Variants in LOC122394732 observed in about 807,000 individuals in gnomAD.
At chr9:87,956,332 C>T in the LOC122394732 span, 5 of 398,590 alleles carry the variant, frequency 1.3e-5, no homozygotes, top group Admixed American at 8.8e-5. Flanking sequence ...GAAGGGCCTT[C>T]GTGAACAACC....
the LOC122394732 span, chr9:87,956,883 A>G: frequency 6.4e-6 from 1 of 157,398 alleles, no homozygotes; most frequent in East Asian, 1.8e-4. Flanking sequence ...ATTTGCCTTA[A>G]TCCTGTTCTC....
At chr9:87,956,301 C>T in the LOC122394732 span, 1 of 398,628 alleles carries the variant, frequency 2.5e-6, no homozygotes. Flanking sequence ...GCCTTCAAAG[C>T]AGGAGATTCC....
the LOC122394732 span, chr9:87,956,533 T>C: frequency 2.5e-6 from 1 of 398,436 alleles, no homozygotes; most frequent in African/African-American, 2.1e-5. Flanking sequence ...GACGAGTTCA[T>C]CTGAAACATC....
chr9:87,956,333 G>A, the LOC122394732 span: 18 of 398,482 alleles, frequency 4.5e-5, no homozygotes, highest in African/African-American at 2.3e-4. Flanking sequence ...AAGGGCCTTC[G>A]TGAACAACCT....
the LOC122394732 span, chr9:87,956,567 G>C: frequency 2.5e-6 from 1 of 398,182 alleles, no homozygotes; most frequent in Non-Finnish European, 4.4e-6. Flanking sequence ...ACACACCTGG[G>C]TCTCCTTCTG....
At chr9:87,956,221 C>CTG in the LOC122394732 span, 1 of 398,510 alleles carries the variant, frequency 2.5e-6, no homozygotes, top group Non-Finnish European at 4.4e-6. Flanking sequence ...GGCAGCCTCA[C>CTG]TGTCCTGTCT....
chr9:87,956,635 A>G, the LOC122394732 span: 25 of 393,786 alleles, frequency 6.3e-5, no homozygotes, highest in South Asian at 3.3e-3. Flanking sequence ...GCCAAAAAAG[A>G]AAAAAAAGGA....
chr9:87,956,465 A>G, the LOC122394732 span: 1 of 398,508 alleles, frequency 2.5e-6, no homozygotes, highest in African/African-American at 2.1e-5. Context: ...GCTTCACAAG[A>G]CAACTGGCTA....
chr9:87,956,756 A>G, the LOC122394732 span: 3 of 306,056 alleles, frequency 9.8e-6, no homozygotes, highest in Non-Finnish European at 1.8e-5. Flanking sequence ...TTTCTTTACA[A>G]CTTGAGGTGG....
At chr9:87,956,415 T>C in the LOC122394732 span, 8 of 398,412 alleles carry the variant, frequency 2.0e-5, no homozygotes, top group Middle Eastern at 6.2e-4. Flanking sequence ...ATCAGGGAGA[T>C]TGATAGAGAA....
At chr9:87,956,480 C>T in the LOC122394732 span, 1 of 398,592 alleles carries the variant, frequency 2.5e-6, no homozygotes, top group Non-Finnish European at 4.4e-6. Flanking sequence ...TGGCTATTTT[C>T]CTCAAAAGCC....
the LOC122394732 span, chr9:87,956,810 G>T: frequency 4.5e-6 from 1 of 224,348 alleles, no homozygotes; most frequent in Non-Finnish European, 8.6e-6. Context: ...TTCTCCTGGA[G>T]GCAAGAATAA....
At chr9:87,956,276 G>A in the LOC122394732 span, 10 of 398,488 alleles carry the variant, frequency 2.5e-5, no homozygotes, top group South Asian at 3.8e-4. Flanking sequence ...CATGGGCTTC[G>A]TAACGAATAA....
the LOC122394732 span, chr9:87,956,475 A>G: frequency 1.3e-5 from 5 of 398,464 alleles, no homozygotes; most frequent in East Asian, 3.6e-5. Context: ...ACAACTGGCT[A>G]TTTTCCTCAA....
At chr9:87,956,687 A>C in the LOC122394732 span, 1 of 388,024 alleles carries the variant, frequency 2.6e-6, no homozygotes, top group African/African-American at 2.1e-5. Context: ...CTAAAATAAT[A>C]AACAAAACCT....
chr9:87,956,655 TGAG>T, the LOC122394732 span: 2 of 395,214 alleles, frequency 5.1e-6, no homozygotes, highest in African/African-American at 4.1e-5. Context: ...ACTAGATAAT[TGAG>T]GACACAAATG....
the LOC122394732 span, chr9:87,956,720 G>A: frequency 1.2e-4 from 45 of 361,726 alleles, no homozygotes; most frequent in Middle Eastern, 1.4e-3. Context: ...AGAATAATGC[G>A]CTGATTTTTT....
At chr9:87,956,355 G>A in the LOC122394732 span, 1 of 398,496 alleles carries the variant, frequency 2.5e-6, no homozygotes, top group Admixed American at 4.4e-5. Context: ...GGAGAGGAAA[G>A]GAGAACCAGG....
the LOC122394732 span, chr9:87,956,429 G>A: frequency 2.5e-6 from 1 of 398,516 alleles, no homozygotes. Flanking sequence ...TAGAGAAAAA[G>A]CAGCCCTGAA....
Sources: gnomAD v4.1 joint callset for allele counts on GRCh38, gnomAD v4.1.1 for gene constraint, MANE v1.5 for transcripts.